The following DMC1 variants were observed in gnomAD, a reference collection of about 807,000 sequenced individuals.
DMC1 encodes DNA meiotic recombinase 1, also known as meiotic recombination protein DMC1 homolog.
DMC1 carries 27 observed loss-of-function variants against 50.1 expected under a neutral mutation model. That is an observed-to-expected ratio of 0.54 (90% CI 0.40 to 0.74). DMC1 has a LOEUF of 0.74. DMC1 is among the 30% of genes least tolerant of loss of function. The probability of loss-of-function intolerance (pLI) is 0.00; values close to 1 mark genes in which losing one functional copy is unlikely to be tolerated. For missense variants in DMC1, 295 were observed against 420.2 expected (o/e 0.70, Z 2.60); for synonymous variants, 148 against 136.1 (o/e 1.09, Z -0.61).
chr22:38,547,699 C>T (rs2090358567), intron 8 of DMC1, among the ~76,000 whole-genome samples: 1 of 152,130 alleles, frequency 6.6e-6, no homozygotes, highest in South Asian at 2.1e-4. Flanking sequence ...GCCGCCACGC[C>T]CGGCTAATTT....
chr22:38,566,257 A>G (rs2146031360), intron 4 of DMC1, among the ~76,000 whole-genome samples: 1 of 148,396 alleles, frequency 6.7e-6, no homozygotes, highest in South Asian at 2.1e-4. Context: ...CTGGCGACAG[A>G]GCAAGACTCT....
chr22:38,538,234 T>C (rs2090237637), intron 11 of DMC1, 61 bp downstream of exon 11: 1 of 1,391,542 alleles, frequency 7.2e-7, no homozygotes, highest in Admixed American at 1.7e-5. Context: ...TATTCCAAGC[T>C]TCTCTGCAAA....
chr22:38,548,807 A>G (rs1240261464), intron 8 of DMC1, among the ~76,000 whole-genome samples: 1 of 152,162 alleles, frequency 6.6e-6, no homozygotes, highest in Non-Finnish European at 1.5e-5. Flanking sequence ...GCACCACTGC[A>G]TTCCAGCCTG....
chr22:38,568,874 T>C (rs1288510146), intron 1 of DMC1, among the ~76,000 whole-genome samples: 1 of 152,166 alleles, frequency 6.6e-6, no homozygotes, highest in Non-Finnish European at 1.5e-5. Flanking sequence ...CAGTATTTAC[T>C]AGTTTCATGA....
intron 9 of DMC1, 128 bp downstream of exon 9, chr22:38,539,193 G>T: frequency 1.4e-6 from 1 of 696,612 alleles, no homozygotes; most frequent in Admixed American, 2.3e-5. Flanking sequence ...AAAATTTATA[G>T]ACTGAGTAAA....
intron 12 of DMC1, among the ~76,000 whole-genome samples, chr22:38,526,077 C>T (rs1336817774): frequency 1.3e-5 from 2 of 152,090 alleles, no homozygotes; most frequent in Non-Finnish European, 2.9e-5. Flanking sequence ...ACATAGCAGC[C>T]TTAACTCCAG....
chr22:38,539,388 A>C lies in DMC1; in HGVS notation c.519T>G (p.Ile173Met), dbSNP rs2090255316. 6.2e-7 allele frequency: 1 copy of C among 1,614,032 alleles called. No individual in the cohort carries two copies. The highest frequency in any genetic ancestry group is 8.5e-7 in the Non-Finnish European group (1 of 1,179,928). ...NTFRPDRLRD[I>M]ADRFNVDHDA... ...CATGGTCTACATTAAAGCGATCAGC[A>C]ATGTCCCTAAGGCGATCTGGACGGC... Residue 173 changes from isoleucine to methionine, a missense_variant, in exon 9 of 14, where the codon ATT (isoleucine) becomes ATG (methionine). Physicochemically the swap from Ile to Met is conservative, Grantham distance 10. Transcript: ENST00000216024.
chr22:38,531,862 A>G (rs1364080338), intron 12 of DMC1, among the ~76,000 whole-genome samples: 1 of 152,038 alleles, frequency 6.6e-6, no homozygotes, highest in Non-Finnish European at 1.5e-5. Flanking sequence ...TCATCTCTCT[A>G]TTTCTTTCAT....
intron 5 of DMC1, among the ~76,000 whole-genome samples, chr22:38,559,297 C>G (rs933862538): frequency 6.6e-6 from 1 of 152,140 alleles, no homozygotes; most frequent in Non-Finnish European, 1.5e-5. Context: ...TCCCAAAACG[C>G]TGGGATTAAA....
intron 12 of DMC1, among the ~76,000 whole-genome samples, chr22:38,528,874 C>G (rs2145813541): frequency 6.6e-6 from 1 of 152,240 alleles, no homozygotes; most frequent in African/African-American, 2.4e-5. Context: ...GAAAAGTAGA[C>G]CAGGAAACTT....
downstream of DMC1, among the ~76,000 whole-genome samples, chr22:38,518,455 G>C (rs574626173): frequency 6.6e-6 from 1 of 152,144 alleles, no homozygotes; most frequent in African/African-American, 2.4e-5. Context: ...ATAATAATTA[G>C]TGAGTGAATA....
intron 1 of DMC1, 90 bp from the exon 2 acceptor site, chr22:38,568,379 G>T (rs1292966049): frequency 3.3e-6 from 3 of 922,868 alleles, no homozygotes; most frequent in African/African-American, 3.3e-5. Flanking sequence ...TAGAAGGACA[G>T]TAAGAGAAGC....
At chr22:38,557,526 C>T (rs534243556) in intron 5 of DMC1, among the ~76,000 whole-genome samples, 2 of 151,978 alleles carry the variant, frequency 1.3e-5, no homozygotes, top group Non-Finnish European at 2.9e-5. Flanking sequence ...GATAACATGG[C>T]GAAACCCAGT....
intron 4 of DMC1, among the ~76,000 whole-genome samples, chr22:38,564,700 T>A (rs2090563937): frequency 6.6e-6 from 1 of 152,196 alleles, no homozygotes; most frequent in Admixed American, 6.5e-5. Context: ...AGTGGGTGCT[T>A]GAGAAAGAGA....
In DMC1 at chr22:38,549,704, C is replaced by T. The variant is rs11570411; in HGVS notation, c.494+221G>A. On this transcript the variant is annotated intron_variant, in intron 8 of 13. Coordinates refer to ENST00000216024, the MANE Select transcript of DMC1 (RefSeq NM_007068.4). ...ATTAAAAATGATGATATAATTTCCT[C>T]TCATGTATTTGTTTTGTCTCATAAA... 1,705 of 498,066 alleles carry T rather than the reference C, an allele frequency of 3.4e-3. 27 individuals are homozygous for T. Among genetic ancestry groups the T allele is most frequent in the African/African-American group, 0.031 (1,570 of 51,382 alleles). The allele number at this position is 498,066 out of a possible 1,614,324, so 30.9% of individuals were successfully genotyped here. A position where few individuals can be genotyped will look rare whatever the true frequency, so the allele number is the denominator to read the frequency against.
intron 12 of DMC1, among the ~76,000 whole-genome samples, 190 bp downstream of exon 12, chr22:38,537,402 C>T (rs1443624112): frequency 6.6e-6 from 1 of 151,956 alleles, no homozygotes; most frequent in Middle Eastern, 3.2e-3. Context: ...TTAGTAGAGA[C>T]GGGGTTTCAC....
intron 5 of DMC1, 62 bp from the exon 6 acceptor site, chr22:38,555,471 A>C: frequency 9.4e-7 from 1 of 1,069,430 alleles, no homozygotes; most frequent in Non-Finnish European, 1.5e-6. Context: ...GAGAGGAGAA[A>C]GTATTCATAT....
intron 10 of DMC1, 55 bp downstream of exon 10, chr22:38,538,484 G>A: frequency 1.9e-6 from 3 of 1,604,552 alleles, no homozygotes; most frequent in Middle Eastern, 1.7e-4. Context: ...GAGATCAATA[G>A]AAGAAAAATA....
At chr22:38,529,363 C>A (rs2090130828) in intron 12 of DMC1, among the ~76,000 whole-genome samples, 1 of 152,164 alleles carries the variant, frequency 6.6e-6, no homozygotes, top group African/African-American at 2.4e-5. Context: ...CACCCACAAA[C>A]CTCCTTGAGC....
Sources: gnomAD v4.1 joint callset for allele counts (sites outside exome capture counted in the v4.1 genomes callset) on GRCh38, gnomAD v4.1.1 for gene constraint, MANE v1.5 for transcripts, NCBI Gene and HGNC (gene_info 2026-07-23, HGNC 2026-07-21) for gene names.